Variants in ACSL1 observed in about 807,000 individuals in gnomAD.
The protein encoded by ACSL1 is acyl-CoA synthetase long chain family member 1, also known as long-chain-fatty-acid--CoA ligase 1.
A neutral mutation model predicts 98.4 loss-of-function variants in ACSL1; 41 were observed. The ratio of observed to expected loss-of-function variants is 0.42; its 90% CI spans 0.32 to 0.54. ACSL1 has a LOEUF of 0.54. ACSL1 is among the 20% of genes least tolerant of loss of function. ACSL1 has a pLI of 0.13. For missense variants in ACSL1, 734 were observed against 883.1 expected (o/e 0.83, Z 2.14); for synonymous variants, 316 against 322.7 (o/e 0.98, Z 0.22).
rs1561167339 is a variant in ACSL1 at position 184,757,899 on chromosome 4, C to T, written c.1804G>A (p.Val602Ile). ...GAACATAATGTCTCAACATCTGGTA[C>T]CACAATTGCAATGAGAAATGCCTTT... ...SLQAFLIAIV[V>I]PDVETLCSWA... Residue 602 changes from valine to isoleucine, a missense_variant, in exon 19 of 21, where the codon GTA becomes ATA. Val to Ile is a conservative substitution (Grantham distance 29). Coordinates refer to ENST00000281455, the MANE Select transcript of ACSL1 (RefSeq NM_001995.5). The surrounding 1 kb of genome is among the most constrained non-coding windows in gnomAD (Gnocchi z 4.5). 1.9e-5 allele frequency: 30 copies of T among 1,614,086 alleles called. No homozygotes were observed. Among genetic ancestry groups the T allele is most frequent in the Non-Finnish European group, 2.5e-5 (30 of 1,180,006 alleles).
intron 1 of ACSL1, among the ~76,000 whole-genome samples, chr4:184,816,639 C>T (rs1772660725): frequency 6.6e-6 from 1 of 152,026 alleles, no homozygotes; most frequent in Non-Finnish European, 1.5e-5. Flanking sequence ...TATAATAAAA[C>T]TATATTTTAT....
intron 1 of ACSL1, among the ~76,000 whole-genome samples, chr4:184,817,309 C>T (rs998464668): frequency 3.3e-5 from 5 of 152,162 alleles, no homozygotes; most frequent in African/African-American, 7.2e-5. Context: ...TAAATAAATG[C>T]ACCCCTCACA....
At chr4:184,820,787 TAG>T (rs1773009393) in intron 1 of ACSL1, among the ~76,000 whole-genome samples, 2 of 152,058 alleles carry the variant, frequency 1.3e-5, no homozygotes, top group African/African-American at 4.8e-5. Context: ...GTATTTTTAG[TAG>T]AGACGGGGTT....
At chr4:184,800,269 G>C (rs1292733900) in intron 2 of ACSL1, among the ~76,000 whole-genome samples, 2 of 152,174 alleles carry the variant, frequency 1.3e-5, no homozygotes, top group Non-Finnish European at 2.9e-5. Context: ...ACTTGCCCAA[G>C]GTTGCCTGGT....
At chr4:184,808,563 C>A in intron 1 of ACSL1, 1 of 941,998 alleles carries the variant, frequency 1.1e-6, no homozygotes, top group Non-Finnish European at 1.3e-6. Flanking sequence ...TCCCCTTGTA[C>A]AATAGGCTAT....
chr4:184,790,914 A>G (rs1768232455), intron 2 of ACSL1, among the ~76,000 whole-genome samples: 1 of 152,228 alleles, frequency 6.6e-6, no homozygotes, highest in African/African-American at 2.4e-5. Flanking sequence ...CAACCCATGA[A>G]GCCACCAAAC....
In ACSL1 at chr4:184,757,901, A is replaced by C; in HGVS notation, c.1802T>G (p.Val601Gly). 6.2e-7 allele frequency: 1 copy of C among 1,614,158 alleles called. No homozygotes were observed. Residue 601 changes from valine (V) to glycine (G), a missense_variant, in exon 19 of 21, where the codon GTG becomes GGG. By Grantham distance (109) the Val-to-Gly change is moderately radical (BLOSUM62 -3). Coordinates refer to ENST00000281455, the MANE Select transcript of ACSL1 (RefSeq NM_001995.5). This position sits in a 1 kb window ranked among gnomAD's most constrained non-coding sequence, Gnocchi z 4.5. ...ACATAATGTCTCAACATCTGGTACC[A>C]CAATTGCAATGAGAAATGCCTTTAA... ...ESLQAFLIAIVVPDVETLCSW... is the reference protein window; with the variant it reads ...ESLQAFLIAIGVPDVETLCSW...
chr4:184,779,811 C>G (rs1311269255), intron 5 of ACSL1, among the ~76,000 whole-genome samples: 1 of 151,688 alleles, frequency 6.6e-6, no homozygotes, highest in Non-Finnish European at 1.5e-5. Flanking sequence ...ATAATCCCCC[C>G]AAAAAAGTGA....
At chr4:184,820,481 T>C (rs1488411874) in intron 1 of ACSL1, among the ~76,000 whole-genome samples, 1 of 152,164 alleles carries the variant, frequency 6.6e-6, no homozygotes, top group Non-Finnish European at 1.5e-5. Context: ...AGCACTCTAG[T>C]GGTATAAAGA....
At chr4:184,777,004 A>C (rs746727355) in intron 5 of ACSL1, 21 bp from the exon 6 acceptor site, 3 of 1,602,220 alleles carry the variant, frequency 1.9e-6, no homozygotes, top group Non-Finnish European at 2.6e-6. Context: ...AGTAAAGGTC[A>C]GGGAGAGAAA....
At chr4:184,804,559 C>T (rs1330579855) in intron 1 of ACSL1, among the ~76,000 whole-genome samples, 2 of 143,760 alleles carry the variant, frequency 1.4e-5, no homozygotes, top group Non-Finnish European at 3.0e-5. Flanking sequence ...CCAATCTGGG[C>T]AACAAAGTGA....
intron 12 of ACSL1, among the ~76,000 whole-genome samples, chr4:184,767,019 C>T (rs180817527): frequency 9.3e-4 from 142 of 152,202 alleles, no homozygotes; most frequent in African/African-American, 3.1e-3. Flanking sequence ...CGGTGGCCCA[C>T]GCTTGTATTC....
chr4:184,763,878 T>C (rs901519441), intron 15 of ACSL1, among the ~76,000 whole-genome samples: 1 of 152,226 alleles, frequency 6.6e-6, no homozygotes, highest in Admixed American at 6.5e-5. Flanking sequence ...ATATCACAAA[T>C]AATTCTTCCT....
Position 184,757,493 on chromosome 4 carries a change from C to G in ACSL1, c.1956+142G>C. Reference sequence around the variant, plus strand: ...GAATAAATGCTTTTGATTTAAAAACCTTTCCCCTGTCAAACTACTCCATTA... The same window carrying G: ...GAATAAATGCTTTTGATTTAAAAACGTTTCCCCTGTCAAACTACTCCATTA... On this transcript the variant is annotated intron_variant, in intron 20 of 20. Transcript: ENST00000281455. The surrounding 1 kb of genome is among the most constrained non-coding windows in gnomAD (Gnocchi z 4.5). The G allele has an allele frequency of 1.0e-6, 1 of 982,302 alleles. No individual in the cohort carries two copies. Among genetic ancestry groups the G allele is most frequent in the Non-Finnish European group, 1.5e-6 (1 of 659,570 alleles). The allele number at this position is 982,302 out of a possible 1,614,324, so 60.8% of individuals were successfully genotyped here. A position where few individuals can be genotyped will look rare whatever the true frequency, so the allele number is the denominator to read the frequency against.
chr4:184,774,118 G>A (rs917911448), intron 7 of ACSL1, among the ~76,000 whole-genome samples: 2 of 151,940 alleles, frequency 1.3e-5, no homozygotes, highest in African/African-American at 2.4e-5. Flanking sequence ...CTACATAAAC[G>A]GTATTAGGAC....
chr4:184,810,402 T>C (rs370766337), intron 1 of ACSL1, among the ~76,000 whole-genome samples: 1 of 152,174 alleles, frequency 6.6e-6, no homozygotes, highest in African/African-American at 2.4e-5. Context: ...AAGGAGAATT[T>C]TGGGACACTT....
At chr4:184,795,470 T>C (rs2150405882) in intron 2 of ACSL1, among the ~76,000 whole-genome samples, 1 of 152,352 alleles carries the variant, frequency 6.6e-6, no homozygotes, top group Middle Eastern at 3.4e-3. Flanking sequence ...TAGTGACCTT[T>C]AGCTTTTTCT....
At chr4:184,797,779 G>T (rs1769701108) in intron 2 of ACSL1, among the ~76,000 whole-genome samples, 2 of 152,156 alleles carry the variant, frequency 1.3e-5, no homozygotes. Flanking sequence ...CTTCCTGCTG[G>T]CCTGGAGCTC....
intron 1 of ACSL1, chr4:184,814,993 C>T (rs1430850837): frequency 1.1e-5 from 5 of 455,948 alleles, no homozygotes; most frequent in Non-Finnish European, 2.2e-5. Context: ...GGATAAAATA[C>T]TTACAAGGTT....
Sources: allele counts gnomAD v4.1 joint callset (sites outside exome capture counted in the v4.1 genomes callset), GRCh38; gene constraint gnomAD v4.1.1; non-coding constraint Gnocchi (gnomAD v3.1); transcripts MANE v1.5; gene names NCBI Gene and HGNC (gene_info 2026-07-23, HGNC 2026-07-21).